The following SAMD12 variants were observed in gnomAD, a reference collection of about 807,000 sequenced individuals.
SAMD12 encodes the protein sterile alpha motif domain containing 12, also known as sterile alpha motif domain-containing protein 12.
Under a neutral mutation model 15.0 loss-of-function variants are expected in SAMD12, and 9 were observed. The ratio of observed to expected loss-of-function variants is 0.60; its 90% CI spans 0.36 to 1.05. SAMD12 has a LOEUF of 1.05. Ranked by LOEUF, SAMD12 falls within the 50% of genes least tolerant of loss-of-function variation. The pLI is 0.01. For missense variants in SAMD12, 230 were observed against 234.2 expected (o/e 0.98, Z 0.12); for synonymous variants, 86 against 90.1 (o/e 0.96, Z 0.25).
chr8:118,244,409 T>C (rs1812640853), intron 4 of SAMD12, among the ~76,000 whole-genome samples: 1 of 152,108 alleles, frequency 6.6e-6, no homozygotes, highest in East Asian at 1.9e-4. Context: ...TCTTTTCCCC[T>C]GCTAGAAATC....
chr8:118,150,736 T>C, the SAMD12 span, among the ~76,000 whole-genome samples: 1 of 152,340 alleles, frequency 6.6e-6, no homozygotes, highest in South Asian at 2.1e-4. Context: ...AGAGTATTTA[T>C]ATTTACCAAT....
chr8:118,610,309 T>C (rs1027535965), intron 1 of SAMD12, among the ~76,000 whole-genome samples: 3 of 152,246 alleles, frequency 2.0e-5, no homozygotes, highest in Admixed American at 1.3e-4. Flanking sequence ...TTTATTATAA[T>C]GCTGTTTTTC....
intron 4 of SAMD12, among the ~76,000 whole-genome samples, chr8:118,269,212 C>T (rs1296484611): frequency 8.5e-6 from 1 of 117,976 alleles, no homozygotes; most frequent in East Asian, 3.1e-4. Flanking sequence ...CTCTCTCTCT[C>T]TCTCTCTCTG....
chr8:118,610,845 A>G (rs1383601478), intron 1 of SAMD12, among the ~76,000 whole-genome samples: 1 of 152,202 alleles, frequency 6.6e-6, no homozygotes, highest in Admixed American at 6.5e-5. Flanking sequence ...TGCAGTTGCA[A>G]GGCAGTCAAG....
chr8:118,343,378 T>C (rs776668129), intron 4 of SAMD12, among the ~76,000 whole-genome samples: 3 of 131,220 alleles, frequency 2.3e-5, no homozygotes, highest in East Asian at 2.5e-4. Context: ...GGGAATCGTT[T>C]TGGGGACAGA....
chr8:118,571,657 G>A (rs552526637), intron 2 of SAMD12, among the ~76,000 whole-genome samples: 18 of 152,298 alleles, frequency 1.2e-4, no homozygotes, highest in East Asian at 3.9e-4. Flanking sequence ...TTGGGCCGTC[G>A]CTTCAGAGGG....
intron 1 of SAMD12, among the ~76,000 whole-genome samples, chr8:118,603,841 T>C (rs1827923768): frequency 6.6e-6 from 1 of 152,176 alleles, no homozygotes; most frequent in Admixed American, 6.5e-5. Flanking sequence ...GGATTCCTAA[T>C]ATATGAATAT....
rs1824889846 is a variant in SAMD12, at chr8:118,505,218, A to G, written c.193-65257T>C. Among the ~76,000 whole-genome samples, 4 of 152,362 alleles carry G rather than the reference A, an allele frequency of 2.6e-5. No individual in the cohort carries two copies. The South Asian group carries it at 6.2e-4, about 24-fold the overall frequency. ...ATCTGAGATTGGGTTTTCGTAAGCA[A>G]GAGCACAGGCTCAGTAAGTCTCAGG... On this transcript the variant is annotated intron_variant, in intron 2 of 3. Transcript: ENST00000314727.
At chr8:118,599,843 C>G (rs1458052270) in intron 1 of SAMD12, among the ~76,000 whole-genome samples, 1 of 152,170 alleles carries the variant, frequency 6.6e-6, no homozygotes, top group Non-Finnish European at 1.5e-5. Context: ...CTACAGCAAT[C>G]TAGACCTCTC....
In SAMD12 at chr8:118,218,361, C is replaced by T. The variant is rs78458233; in HGVS notation, c.434-20629G>A. ...AAATCAAGCTAATTAACATATCCAT[C>T]ACCTTACACATTTGCTTTTTGTGCT... On this transcript the variant is annotated intron_variant, in intron 4 of 4. Transcript: ENST00000409003. 4.1e-3 allele frequency among the ~76,000 whole-genome samples: 630 copies of T among 152,236 alleles called. 5 individuals carry two copies. The highest frequency in any genetic ancestry group is 0.014 in the African/African-American group (594 of 41,512).
rs370692392 is a variant in SAMD12 at position 118,467,442 on chromosome 8, T to C, written c.193-27481A>G. Among the ~76,000 whole-genome samples the C allele has an allele frequency of 2.6e-5, 4 of 152,296 alleles. No individual in the cohort carries two copies. In the East Asian group the frequency reaches 7.7e-4, roughly 29 times the overall value. On this transcript the variant is annotated intron_variant, in intron 2 of 3. Coordinates refer to ENST00000314727, the MANE Select transcript of SAMD12 (RefSeq NM_207506.3). ...TGAATGTTTATTTTTATTATTGCTT[T>C]TGTTTTATATTTCAAAAGCTGTGCT...
At chr8:118,501,612 T>C (rs1266913097) in intron 2 of SAMD12, among the ~76,000 whole-genome samples, 1 of 152,176 alleles carries the variant, frequency 6.6e-6, no homozygotes, top group Non-Finnish European at 1.5e-5. Flanking sequence ...CATATGATGA[T>C]GGGTTAGTCC....
intron 2 of SAMD12, among the ~76,000 whole-genome samples, chr8:118,556,970 A>T (rs949563483): frequency 3.7e-4 from 56 of 152,042 alleles, no homozygotes; most frequent in African/African-American, 1.2e-3. Flanking sequence ...TCTCAAAAAA[A>T]AAAGAAAGAA....
intron 2 of SAMD12, among the ~76,000 whole-genome samples, chr8:118,500,073 T>A (rs1171284523): frequency 7.6e-6 from 1 of 131,146 alleles, no homozygotes; most frequent in Non-Finnish European, 1.6e-5. Context: ...TTGCCTTTTT[T>A]TTTTTTTTTT....
intron 4 of SAMD12, among the ~76,000 whole-genome samples, chr8:118,304,976 C>G (rs1024400756): frequency 6.0e-5 from 9 of 149,982 alleles, no homozygotes; most frequent in East Asian, 2.0e-4. Context: ...TTGTAAAACC[C>G]TGTCTCTATC....
At chr8:118,168,996 T>A in the SAMD12 span, among the ~76,000 whole-genome samples, 4 of 152,074 alleles carry the variant, frequency 2.6e-5, no homozygotes, top group African/African-American at 9.7e-5. Context: ...TTAATACTTA[T>A]TTTTTTCTTT....
At chr8:118,272,754 T>C (rs1053513679) in intron 4 of SAMD12, among the ~76,000 whole-genome samples, 1 of 152,186 alleles carries the variant, frequency 6.6e-6, no homozygotes, top group East Asian at 1.9e-4. Flanking sequence ...TTTACTCCTG[T>C]TCCTAACAAG....
chr8:118,515,623 G>A (rs1427434724), intron 2 of SAMD12, among the ~76,000 whole-genome samples: 1 of 152,148 alleles, frequency 6.6e-6, no homozygotes, highest in Non-Finnish European at 1.5e-5. Context: ...GTGACTGGAG[G>A]GGTCTGTTGA....
chr8:118,228,200 AC>A (rs1812226498), intron 4 of SAMD12, among the ~76,000 whole-genome samples: 2 of 152,238 alleles, frequency 1.3e-5, no homozygotes, highest in Admixed American at 1.3e-4. Context: ...ACATGGAAAA[AC>A]CCTTGTGGAT....
Sources: gnomAD v4.1 joint callset for allele counts (sites outside exome capture counted in the v4.1 genomes callset) on GRCh38, gnomAD v4.1.1 for gene constraint, MANE v1.5 for transcripts, NCBI Gene and HGNC (gene_info 2026-07-23, HGNC 2026-07-21) for gene names.